DENND1A: variants seen among roughly 807,000 people sequenced by gnomAD.
DENND1A encodes DENN domain-containing protein 1A.
A neutral mutation model predicts 113.7 loss-of-function variants in DENND1A; 51 were observed. The observed-to-expected ratio is 0.45, with a 90% CI of 0.36 to 0.57. DENND1A has a LOEUF of 0.57. Ranked by LOEUF, DENND1A falls within the 20% of genes least tolerant of loss-of-function variation. DENND1A has a pLI of 0.00. For synonymous variants in DENND1A, 565 were observed against 570.8 expected (o/e 0.99, Z 0.14); for missense variants, 1,258 against 1,395.9 (o/e 0.90, Z 1.57).
At chr9:123,632,527 T>C (rs2061521765) in intron 9 of DENND1A, among the ~76,000 whole-genome samples, 5 of 152,164 alleles carry the variant, frequency 3.3e-5, no homozygotes, top group Admixed American at 3.3e-4. Context: ...AGGGTTCCAC[T>C]GGCCCTGGGT....
At chr9:123,925,440 G>T (rs1856936813) in intron 1 of DENND1A, among the ~76,000 whole-genome samples, 1 of 152,006 alleles carries the variant, frequency 6.6e-6, no homozygotes, top group African/African-American at 2.4e-5. Context: ...CTCCACCATT[G>T]CAATTAACTT....
intron 2 of DENND1A, among the ~76,000 whole-genome samples, chr9:123,817,729 T>G (rs900900875): frequency 6.6e-6 from 1 of 152,168 alleles, no homozygotes. Flanking sequence ...TTTAGAAATA[T>G]ACTATAGAAA....
intron 13 of DENND1A, among the ~76,000 whole-genome samples, chr9:123,485,256 C>T (rs541265829): frequency 6.6e-6 from 1 of 152,320 alleles, no homozygotes; most frequent in African/African-American, 2.4e-5. Context: ...AAACAAGCTC[C>T]ATTTCAGCTC....
intron 13 of DENND1A, among the ~76,000 whole-genome samples, chr9:123,497,813 C>CAAAAAAAAAAAA (rs755257150): frequency 9.8e-6 from 1 of 101,766 alleles, no homozygotes; most frequent in Non-Finnish European, 2.0e-5. Flanking sequence ...CTCTTCCATC[C>CAAAAAAAAAAAA]AAAAAAAAAA....
intron 10 of DENND1A, among the ~76,000 whole-genome samples, chr9:123,629,512 C>T (rs1052056718): frequency 2.0e-5 from 3 of 152,194 alleles, no homozygotes; most frequent in Admixed American, 6.5e-5. Flanking sequence ...CTACCATGAG[C>T]CAGCTTTTCT....
chr9:123,592,484 C>T (rs1426659896), intron 11 of DENND1A, among the ~76,000 whole-genome samples: 2 of 152,134 alleles, frequency 1.3e-5, no homozygotes, highest in Non-Finnish European at 2.9e-5. Flanking sequence ...ATAAAAACAG[C>T]ACTGACATCC....
At chr9:123,732,979 A>C (rs1464472789) in intron 5 of DENND1A, among the ~76,000 whole-genome samples, 1 of 152,202 alleles carries the variant, frequency 6.6e-6, no homozygotes, top group Non-Finnish European at 1.5e-5. Flanking sequence ...GTGGCTACTA[A>C]GTTTATTGTT....
intron 19 of DENND1A, chr9:123,414,241 G>A (rs1207225695): frequency 3.1e-5 from 39 of 1,249,538 alleles, no homozygotes; most frequent in Non-Finnish European, 3.4e-5. Flanking sequence ...CTACCCGAGT[G>A]TCCTGTTAGG....
intron 15 of DENND1A, among the ~76,000 whole-genome samples, chr9:123,456,510 A>G (rs529698933): frequency 1.3e-5 from 2 of 152,274 alleles, no homozygotes; most frequent in Admixed American, 6.5e-5. Flanking sequence ...ATAATTTGTC[A>G]TATTTTAAAG....
At chr9:123,627,842 G>A (rs992821522) in intron 10 of DENND1A, among the ~76,000 whole-genome samples, 1 of 152,158 alleles carries the variant, frequency 6.6e-6, no homozygotes, top group Non-Finnish European at 1.5e-5. Context: ...GAAACCAGAG[G>A]GGGCTGAGTG....
chr9:123,644,201 A>G (rs1316045713), intron 9 of DENND1A, among the ~76,000 whole-genome samples: 1 of 152,184 alleles, frequency 6.6e-6, no homozygotes, highest in African/African-American at 2.4e-5. Context: ...CATGATTAGC[A>G]TAGTGCCTGT....
At chr9:123,650,568 C>G (rs1011740119) in intron 9 of DENND1A, among the ~76,000 whole-genome samples, 1 of 152,060 alleles carries the variant, frequency 6.6e-6, no homozygotes, top group African/African-American at 2.4e-5. Context: ...ACTCAGCAAA[C>G]AGATATTGAA....
intron 20 of DENND1A, among the ~76,000 whole-genome samples, chr9:123,409,602 C>T (rs1486029957): frequency 6.6e-6 from 1 of 151,778 alleles, no homozygotes; most frequent in African/African-American, 2.4e-5. Context: ...AGTTGAGGAA[C>T]CTGGGTTAAG....
intron 2 of DENND1A, among the ~76,000 whole-genome samples, chr9:123,833,251 C>T (rs1050307766): frequency 2.0e-5 from 3 of 150,362 alleles, no homozygotes; most frequent in African/African-American, 4.9e-5. Context: ...TACTAATGTT[C>T]TATGTCTTGA....
intron 2 of DENND1A, among the ~76,000 whole-genome samples, chr9:123,844,088 T>C (rs1384470509): frequency 7.7e-6 from 1 of 129,896 alleles, no homozygotes; most frequent in Non-Finnish European, 1.5e-5. Flanking sequence ...ATAAAGGGCA[T>C]CTAAAAAAAT....
rs1346444829 is a variant in DENND1A, at chr9:123,381,921, C to T, written c.2724G>A (p.Leu908=). The part of the protein sequence containing the change: ...SMPAAPPTLP[L]VSTPAGPFGA... ...CGAAAGGCCCGGCTGGTGTGGAGAC[C>T]AGGGGCAGGGTGGGTGGGGCTGCTG... Residue 908 remains leucine, a synonymous_variant, in exon 24 of 24, where the codon CTG becomes CTA. Transcript: ENST00000394215. The surrounding 1 kb of genome is among the most constrained non-coding windows in gnomAD (Gnocchi z 4.7). 5.8e-5 allele frequency: 18 copies of T among 312,310 alleles called. No homozygotes were observed. The highest frequency in any genetic ancestry group is 9.8e-5 in the East Asian group (1 of 10,244). The allele number at this position is 312,310 out of a possible 1,614,324, so 19.3% of individuals were successfully genotyped here. A position where few individuals can be genotyped will look rare whatever the true frequency, so the allele number is the denominator to read the frequency against.
chr9:123,574,172 CCTT>C (rs1484406109), intron 12 of DENND1A, among the ~76,000 whole-genome samples: 12 of 125,196 alleles, frequency 9.6e-5, no homozygotes, highest in Admixed American at 8.4e-4. Flanking sequence ...TCTGTAGTTG[CCTT>C]TTTTTTTTTT....
At chr9:123,527,748 A>G (rs1242194560) in intron 13 of DENND1A, among the ~76,000 whole-genome samples, 4 of 152,182 alleles carry the variant, frequency 2.6e-5, no homozygotes, top group Non-Finnish European at 5.9e-5. Context: ...TGTGGTTACT[A>G]TACTAACACA....
chr9:123,460,284 C>G (rs2048428317), intron 13 of DENND1A, among the ~76,000 whole-genome samples: 1 of 152,218 alleles, frequency 6.6e-6, no homozygotes, highest in African/African-American at 2.4e-5. Flanking sequence ...ATAACTAACA[C>G]AAGCTCAGCT....
Sources: allele counts gnomAD v4.1 joint callset (sites outside exome capture counted in the v4.1 genomes callset), GRCh38; gene constraint gnomAD v4.1.1; non-coding constraint Gnocchi (gnomAD v3.1); transcripts MANE v1.5; gene names NCBI Gene and HGNC (gene_info 2026-07-23, HGNC 2026-07-21).